GALNT14: variants seen among roughly 807,000 people sequenced by gnomAD.
GALNT14 encodes polypeptide N-acetylgalactosaminyltransferase 14.
A neutral mutation model predicts 77.5 loss-of-function variants in GALNT14; 60 were observed. The observed-to-expected ratio is 0.77, with a 90% CI of 0.63 to 0.96. GALNT14 has a LOEUF of 0.96. Ranked by LOEUF, GALNT14 falls within the 40% of genes least tolerant of loss-of-function variation. GALNT14 has a pLI of 0.00. For missense variants in GALNT14, 710 were observed against 731.0 expected, an observed-to-expected ratio of 0.97 and a Z score of 0.33; for synonymous variants, 280 against 281.7, an observed-to-expected ratio of 0.99 and a Z score of 0.06.
chr2:30,971,205 GATCA>G (rs945732139), intron 2 of GALNT14, among the ~76,000 whole-genome samples: 15 of 152,290 alleles, frequency 9.8e-5, no homozygotes, highest in African/African-American at 2.6e-4. Context: ...AGATCTAAAA[GATCA>G]ATCAAACAGT....
At position 30,910,795 on chromosome 2, in the gene GALNT14, T is replaced by A; in HGVS notation, c.*106A>T. 1.6e-6 allele frequency: 2 copies of A among 1,263,274 alleles called. No homozygotes were observed. Among genetic ancestry groups the A allele is most frequent in the South Asian group, 2.8e-5 (2 of 71,088 alleles). The allele number at this position is 1,263,274 out of a possible 1,614,324, so 78.3% of individuals were successfully genotyped here. A position where few individuals can be genotyped will look rare whatever the true frequency, so the allele number is the denominator to read the frequency against. ...GGGGGGCTCTGCCTCCACCTCCCAG[T>A]CCAGGATGTCTGAGGTGGTTGCAGG... On this transcript the variant is annotated 3_prime_UTR_variant, in exon 15 of 15. Transcript: ENST00000349752.
At chr2:31,046,653 G>GATC (rs1472399056) in intron 1 of GALNT14, among the ~76,000 whole-genome samples, 1 of 152,150 alleles carries the variant, frequency 6.6e-6, no homozygotes, top group Non-Finnish European at 1.5e-5. Flanking sequence ...GGAAACTTAT[G>GATC]ATAACTACCT....
the GALNT14 span, among the ~76,000 whole-genome samples, chr2:30,904,699 G>A: frequency 3.7e-4 from 57 of 152,376 alleles, no homozygotes; most frequent in Non-Finnish European, 6.8e-4. Context: ...CGAACTGGGC[G>A]GAGCCCACCA....
At chr2:30,959,021 A>G (rs1287060378) in intron 3 of GALNT14, among the ~76,000 whole-genome samples, 1 of 152,116 alleles carries the variant, frequency 6.6e-6, no homozygotes, top group African/African-American at 2.4e-5. Flanking sequence ...TTGCCATCAG[A>G]AGCTGGCCCA....
chr2:30,958,344 G>C, intron 4 of GALNT14, 53 bp downstream of exon 4: 5 of 1,492,872 alleles, frequency 3.3e-6, no homozygotes, highest in Non-Finnish European at 4.7e-6. Context: ...CTGTTACAGA[G>C]TGGCTGGGAA....
At chr2:31,020,175 C>T (rs1573175906) in intron 1 of GALNT14, among the ~76,000 whole-genome samples, 2 of 152,120 alleles carry the variant, frequency 1.3e-5, no homozygotes, top group Admixed American at 6.5e-5. Context: ...TGTTTTGCAG[C>T]TATCACACAG....
At chr2:30,980,185 G>C (rs76145959) in intron 2 of GALNT14, among the ~76,000 whole-genome samples, 1,646 of 152,312 alleles carry the variant, frequency 0.011, 28 homozygotes, top group African/African-American at 0.038. Flanking sequence ...GCAGCACCCT[G>C]ACTCAGAGCT....
chr2:30,951,747 C>T (rs1272421823), intron 6 of GALNT14, among the ~76,000 whole-genome samples: 4 of 152,328 alleles, frequency 2.6e-5, no homozygotes, highest in African/African-American at 9.6e-5. Context: ...ACTGCTGTGA[C>T]GGCTGCACCC....
At chr2:31,010,694 T>A (rs903316257) in intron 1 of GALNT14, among the ~76,000 whole-genome samples, 1 of 152,272 alleles carries the variant, frequency 6.6e-6, no homozygotes. Flanking sequence ...AATGCTGTCC[T>A]CACTCTTTCC....
intron 1 of GALNT14, among the ~76,000 whole-genome samples, chr2:31,047,442 G>T (rs941075889): frequency 2.0e-5 from 3 of 152,104 alleles, no homozygotes; most frequent in African/African-American, 4.8e-5. Context: ...CAAAAGACAG[G>T]GCATCCCAGG....
intron 1 of GALNT14, among the ~76,000 whole-genome samples, chr2:31,111,430 C>T (rs1677828237): frequency 6.6e-6 from 1 of 152,224 alleles, no homozygotes; most frequent in Non-Finnish European, 1.5e-5. Context: ...TTCACTGAAT[C>T]AACAACAGGA....
rs777212106 is a variant in GALNT14 at position 31,083,442 on chromosome 2, C to G, written c.129+54516G>C. 1.7e-4 allele frequency among the ~76,000 whole-genome samples: 26 copies of G among 152,168 alleles called. 1 individual carries two copies. The highest frequency in any genetic ancestry group is 5.9e-5 in the Non-Finnish European group (4 of 68,038). On this transcript the variant is annotated intron_variant, in intron 1 of 14. Transcript: ENST00000349752. ...AACGAGCTGTCTGGTCTAATCATTT[C>G]CTCCCATTCGTTCCAGTTAATAAGA... is the stretch of plus-strand genomic sequence containing the variant.
chr2:31,123,361 C>T (rs2148641377), intron 1 of GALNT14, among the ~76,000 whole-genome samples: 1 of 152,184 alleles, frequency 6.6e-6, no homozygotes, highest in South Asian at 2.1e-4. Flanking sequence ...GTAGGGGTTG[C>T]AGTTGATCCA....
intron 1 of GALNT14, among the ~76,000 whole-genome samples, chr2:31,046,540 T>C (rs1673475929): frequency 6.6e-6 from 1 of 152,206 alleles, no homozygotes; most frequent in Non-Finnish European, 1.5e-5. Context: ...GAACCCATAT[T>C]CTTAAAGTAC....
At chr2:30,949,454 G>T (rs1666899503) in intron 6 of GALNT14, among the ~76,000 whole-genome samples, 1 of 152,102 alleles carries the variant, frequency 6.6e-6, no homozygotes, top group African/African-American at 2.4e-5. Flanking sequence ...TTAAAGCAAG[G>T]TCCATGCTTA....
At chr2:31,050,387 G>A (rs751835514) in intron 1 of GALNT14, among the ~76,000 whole-genome samples, 20 of 152,128 alleles carry the variant, frequency 1.3e-4, no homozygotes. Context: ...GAACACAGAT[G>A]GACAGGCATG....
At chr2:30,955,792 G>C (rs1667329895) in intron 5 of GALNT14, 53 bp from the exon 6 acceptor site, 2 of 1,610,790 alleles carry the variant, frequency 1.2e-6, no homozygotes, top group South Asian at 1.1e-5. Context: ...CCATTGTCCA[G>C]CGAGACCAGG....
chr2:30,920,622 G>C (rs1332127859), intron 13 of GALNT14, among the ~76,000 whole-genome samples: 1 of 145,640 alleles, frequency 6.9e-6, no homozygotes, highest in Non-Finnish European at 1.5e-5. Flanking sequence ...TCCTATGAGA[G>C]TGTATGCTAC....
chr2:30,957,708 T>G (rs1418672053), intron 4 of GALNT14, among the ~76,000 whole-genome samples: 1 of 151,772 alleles, frequency 6.6e-6, no homozygotes, highest in Admixed American at 6.6e-5. Flanking sequence ...CTAGTGGGGG[T>G]GGACTCCACT....
Sources: allele counts gnomAD v4.1 joint callset (sites outside exome capture counted in the v4.1 genomes callset), GRCh38; gene constraint gnomAD v4.1.1; transcripts MANE v1.5; gene names NCBI Gene and HGNC (gene_info 2026-07-23, HGNC 2026-07-21).